Variants in SLC16A10 observed in about 807,000 individuals in gnomAD.
SLC16A10 encodes monocarboxylate transporter 10.
SLC16A10 carries 27 observed loss-of-function variants against 40.0 expected under a neutral mutation model. The ratio of observed to expected loss-of-function variants is 0.67; its 90% CI spans 0.50 to 0.93. SLC16A10 has a LOEUF of 0.93. SLC16A10 is among the 40% of genes least tolerant of loss of function. The probability of loss-of-function intolerance (pLI) is 0.00; values close to 1 mark genes in which losing one functional copy is unlikely to be tolerated. For synonymous variants in SLC16A10, 213 were observed against 249.8 expected (o/e 0.85, Z 1.39); for missense variants, 529 against 658.2 (o/e 0.80, Z 2.15).
intron 3 of SLC16A10, among the ~76,000 whole-genome samples, chr6:111,183,253 C>T (rs186166752): frequency 2.0e-5 from 3 of 152,196 alleles, no homozygotes; most frequent in African/African-American, 7.2e-5. Flanking sequence ...TTCCTGCGTC[C>T]CTTTTCCCCT....
intron 5 of SLC16A10, among the ~76,000 whole-genome samples, chr6:111,221,687 C>G (rs1256101043): frequency 6.6e-6 from 1 of 151,188 alleles, no homozygotes; most frequent in African/African-American, 2.4e-5. Flanking sequence ...TCAAGGCCTG[C>G]ATGAGCCATG....
chr6:111,177,764 T>A, intron 3 of SLC16A10, 99 bp downstream of exon 3: 1 of 1,090,912 alleles, frequency 9.2e-7, no homozygotes, highest in Non-Finnish European at 1.3e-6. Flanking sequence ...CCTCAAACAT[T>A]ATCCTGGTTG....
chr6:111,116,770 G>A (rs1771494131), intron 1 of SLC16A10, among the ~76,000 whole-genome samples: 1 of 152,102 alleles, frequency 6.6e-6, no homozygotes, highest in Non-Finnish European at 1.5e-5. Context: ...ATTTTGAGTG[G>A]ATTTCTCCCC....
chr6:111,101,281 C>T (rs1262261602), intron 1 of SLC16A10, among the ~76,000 whole-genome samples: 1 of 151,952 alleles, frequency 6.6e-6, no homozygotes, highest in East Asian at 1.9e-4. Flanking sequence ...ATCTGTCCAC[C>T]TCAGCCTCTG....
chr6:111,177,842 C>T (rs1466158395), intron 3 of SLC16A10, 177 bp downstream of exon 3: 1 of 558,518 alleles, frequency 1.8e-6, no homozygotes, highest in Non-Finnish European at 3.0e-6. Context: ...GACCACTAAA[C>T]AGAGAGAGTA....
chr6:111,182,067 C>T (rs1265335102), intron 3 of SLC16A10, among the ~76,000 whole-genome samples: 1 of 151,866 alleles, frequency 6.6e-6, no homozygotes, highest in Non-Finnish European at 1.5e-5. Flanking sequence ...GGTGCAATCC[C>T]GGCTCACTGC....
intron 1 of SLC16A10, among the ~76,000 whole-genome samples, chr6:111,104,432 A>G (rs1467581405): frequency 6.6e-6 from 1 of 152,244 alleles, no homozygotes; most frequent in Non-Finnish European, 1.5e-5. Context: ...GAACACAGAA[A>G]CAGCATTGAT....
rs14399 is a variant in SLC16A10, at chr6:111,222,741, C to A, written c.*506C>A. The A allele has an allele frequency of 0.33, 51,509 of 154,528 alleles. 10,337 individuals are homozygous for A. The highest frequency in any genetic ancestry group is 0.53 in the East Asian group (2,781 of 5,234). 9.6% of individuals were successfully genotyped at this position (154,528 alleles called of 1,614,324 possible). A position where few individuals can be genotyped will look rare whatever the true frequency, so the allele number is the denominator to read the frequency against. On this transcript the variant is annotated 3_prime_UTR_variant, in exon 6 of 6. Transcript: ENST00000368851. ...AAACCTCAAGTCTATGTTAAAGTTG[C>A]TTTCCTGCTGTTAAATAAGCTATGA... is the stretch of plus-strand genomic sequence containing the variant.
intron 3 of SLC16A10, chr6:111,178,407 A>G (rs755018773): frequency 2.3e-5 from 12 of 532,796 alleles, no homozygotes; most frequent in Non-Finnish European, 1.2e-5. Flanking sequence ...CAAAGGCAAA[A>G]TTCAGCTTTG....
rs1475123968 is a variant in SLC16A10 at position 111,157,458 on chromosome 6, T to G, written c.344-15237T>G. On this transcript the variant is annotated intron_variant, in intron 1 of 5. Transcript: ENST00000368851. ...GCCACTACGCCCAGCTAATTTTTTG[T>G]ATTTTTAGTAGAGATGGGTTTCATT... Among the ~76,000 whole-genome samples the G allele has an allele frequency of 2.6e-5, 4 of 152,194 alleles. No homozygotes were observed. In the South Asian group the frequency reaches 8.3e-4, roughly 32 times the overall value.
At chr6:111,191,687 T>G (rs921444282) in intron 3 of SLC16A10, among the ~76,000 whole-genome samples, 3 of 152,224 alleles carry the variant, frequency 2.0e-5, no homozygotes, top group African/African-American at 7.2e-5. Context: ...ATCTGTTGTT[T>G]CCTGACATTT....
intron 1 of SLC16A10, among the ~76,000 whole-genome samples, chr6:111,161,824 T>C (rs1362949485): frequency 6.6e-6 from 1 of 152,016 alleles, no homozygotes; most frequent in African/African-American, 2.4e-5. Context: ...TTTGGTCAGC[T>C]TCTTTGGTCT....
intron 1 of SLC16A10, among the ~76,000 whole-genome samples, chr6:111,162,394 G>C (rs1423212945): frequency 6.6e-6 from 1 of 152,068 alleles, no homozygotes; most frequent in Non-Finnish European, 1.5e-5. Flanking sequence ...GGGGTTCCTG[G>C]GCCTATTAGA....
chr6:111,229,978 C>CTTTG lies in SLC16A10; in HGVS notation c.*7746_*7747insGTTT, dbSNP rs1771077525. On this transcript the variant is annotated 3_prime_UTR_variant, in exon 6 of 6. Transcript: ENST00000368851. Reference sequence around the variant, plus strand: ...AATTGAGAATGACAGGTTTCTTTTTCTTTCTTTGTTTCTTTTTTTTTTTTT... The same window carrying CTTTG: ...AATTGAGAATGACAGGTTTCTTTTTCTTTGTTTCTTTGTTTCTTTTTTTTTTTTT... The CTTTG allele has an allele frequency of 4.5e-5, 3 of 66,290 alleles. No homozygotes were observed. The highest frequency in any genetic ancestry group is 8.3e-5 in the Non-Finnish European group (3 of 36,092). 4.1% of individuals were successfully genotyped at this position (66,290 alleles called of 1,614,324 possible). A position where few individuals can be genotyped will look rare whatever the true frequency, so the allele number is the denominator to read the frequency against.
chr6:111,130,601 C>T (rs1182802284), intron 1 of SLC16A10, among the ~76,000 whole-genome samples: 1 of 152,148 alleles, frequency 6.6e-6, no homozygotes, highest in Admixed American at 6.5e-5. Context: ...TGCAGCCTCA[C>T]CAGGCAGAAG....
At chr6:111,107,971 A>G (rs1771314172) in intron 1 of SLC16A10, among the ~76,000 whole-genome samples, 1 of 152,136 alleles carries the variant, frequency 6.6e-6, no homozygotes, top group African/African-American at 2.4e-5. Context: ...TCATCAAAAA[A>G]GGGCAATTTT....
intron 4 of SLC16A10, among the ~76,000 whole-genome samples, chr6:111,217,784 A>T (rs909966880): frequency 1.3e-5 from 2 of 152,160 alleles, no homozygotes; most frequent in African/African-American, 2.4e-5. Flanking sequence ...TCTGTGCCTT[A>T]AAAAAGTTAT....
intron 4 of SLC16A10, among the ~76,000 whole-genome samples, chr6:111,212,810 A>T (rs1048130003): frequency 2.6e-4 from 39 of 151,960 alleles, no homozygotes; most frequent in East Asian, 5.8e-4. Context: ...TAAAAAAATA[A>T]AAAAAAATGC....
At chr6:111,103,820 C>G (rs1583304311) in intron 1 of SLC16A10, among the ~76,000 whole-genome samples, 1 of 152,194 alleles carries the variant, frequency 6.6e-6, no homozygotes, top group African/African-American at 2.4e-5. Flanking sequence ...AGTGTAAGGC[C>G]TGGGCAAGGG....
Sources: allele counts gnomAD v4.1 joint callset (sites outside exome capture counted in the v4.1 genomes callset), GRCh38; gene constraint gnomAD v4.1.1; transcripts MANE v1.5; gene names NCBI Gene and HGNC (gene_info 2026-07-23, HGNC 2026-07-21).